STX6: variants seen among roughly 807,000 people sequenced by gnomAD.
STX6 encodes the protein syntaxin-6.
In STX6, 23 loss-of-function variants were observed where a neutral mutation model predicts 38.0. That is an observed-to-expected ratio of 0.60 (90% CI 0.43 to 0.86). The LOEUF is 0.86. Among genes scored for constraint, STX6 ranks in the 40% least tolerant of loss-of-function variants. The pLI, the probability that STX6 is intolerant of heterozygous loss-of-function variation, is 0.00. For synonymous variants in STX6, 123 were observed against 107.5 expected (o/e 1.14, Z -0.89); for missense variants, 274 against 312.9 (o/e 0.88, Z 0.94).
At position 181,022,712 on chromosome 1, in the gene STX6, C is replaced by T. The variant is rs1558103707; in HGVS notation, c.-39G>A. ...CGGCCGCCTTCACCTCCTCCGCGCA[C>T]AGGGCGCCCGTGCCTCCCGGTCTCC... is the stretch of plus-strand genomic sequence containing the variant. On this transcript the variant is annotated 5_prime_UTR_variant, in exon 1 of 8. In the 5' UTR this introduces an upstream ATG that the reference lacks. Coordinates refer to ENST00000258301, the MANE Select transcript of STX6 (RefSeq NM_005819.6). The T allele has an allele frequency of 2.5e-6, 4 of 1,584,692 alleles. No individual in the cohort carries two copies. Among genetic ancestry groups the T allele is most frequent in the Non-Finnish European group, 3.4e-6 (4 of 1,167,434 alleles).
chr1:181,004,953 A>G (rs562405479), intron 2 of STX6, among the ~76,000 whole-genome samples: 22 of 151,456 alleles, frequency 1.5e-4, no homozygotes, highest in Admixed American at 1.2e-3. Flanking sequence ...CTTAAAAAAA[A>G]AAGAAAAAAA....
intron 1 of STX6, among the ~76,000 whole-genome samples, chr1:181,005,942 G>C (rs1558096435): frequency 1.3e-5 from 2 of 152,036 alleles, no homozygotes; most frequent in African/African-American, 4.8e-5. Flanking sequence ...TTTTATTATA[G>C]GTTAAGTATT....
At chr1:181,010,808 A>T (rs564671267) in intron 1 of STX6, among the ~76,000 whole-genome samples, 41 of 152,138 alleles carry the variant, frequency 2.7e-4, no homozygotes, top group Non-Finnish European at 4.7e-4. Flanking sequence ...TAATATCTGA[A>T]TATTATCATG....
At chr1:180,982,213 T>C (rs1487014106) in intron 7 of STX6, among the ~76,000 whole-genome samples, 1 of 152,218 alleles carries the variant, frequency 6.6e-6, no homozygotes, top group African/African-American at 2.4e-5. Flanking sequence ...GCTTCCTTTA[T>C]GTACAGGTTT....
chr1:180,981,206 G>C (rs1425388578), intron 7 of STX6, among the ~76,000 whole-genome samples: 2 of 152,042 alleles, frequency 1.3e-5, no homozygotes, highest in African/African-American at 4.8e-5. Context: ...GTTAGCGTAG[G>C]CTGATTGTAA....
intron 3 of STX6, among the ~76,000 whole-genome samples, chr1:181,001,451 G>C (rs951587840): frequency 1.3e-5 from 2 of 152,104 alleles, no homozygotes; most frequent in Admixed American, 1.3e-4. Context: ...TTTAATAATG[G>C]GTATTATTCT....
chr1:181,015,405 G>C (rs1361734235), intron 1 of STX6, among the ~76,000 whole-genome samples: 1 of 152,102 alleles, frequency 6.6e-6, no homozygotes, highest in African/African-American at 2.4e-5. Context: ...CATTTTCCAA[G>C]TTTCAACACT....
chr1:181,019,981 T>C lies in STX6; in HGVS notation c.35+2658A>G, dbSNP rs369639452. On this transcript the variant is annotated intron_variant, in intron 1 of 7. Transcript: ENST00000258301. The stretch of plus-strand genomic sequence containing the variant: ...ATCGAGACCATCCTGGCTAACATGG[T>C]GAAACCCCGTCTCTACTAAAAAATA... Among the ~76,000 whole-genome samples, 5 of 152,144 alleles carry C rather than the reference T, an allele frequency of 3.3e-5. No individual in the cohort carries two copies. The East Asian group carries it at 5.8e-4, about 18-fold the overall frequency.
chr1:180,988,098 G>T, intron 6 of STX6, 141 bp downstream of exon 6: 1 of 594,140 alleles, frequency 1.7e-6, no homozygotes, highest in African/African-American at 1.9e-5. Context: ...AGGCTAATCT[G>T]TAAAACAGAA....
At chr1:181,013,971 T>TA (rs1399801212) in intron 1 of STX6, among the ~76,000 whole-genome samples, 2 of 152,236 alleles carry the variant, frequency 1.3e-5, no homozygotes, top group African/African-American at 4.8e-5. Context: ...TTTTATGACT[T>TA]AAGCTTCAGG....
At chr1:181,019,266 C>A (rs1656657036) in intron 1 of STX6, among the ~76,000 whole-genome samples, 1 of 151,782 alleles carries the variant, frequency 6.6e-6, no homozygotes, top group Non-Finnish European at 1.5e-5. Context: ...CCATGAGGCA[C>A]CATTCCATCA....
At chr1:181,018,307 C>A (rs1425647220) in intron 1 of STX6, among the ~76,000 whole-genome samples, 1 of 142,976 alleles carries the variant, frequency 7.0e-6, no homozygotes, top group African/African-American at 2.6e-5. Flanking sequence ...CGCTTGAACC[C>A]AAGAGGTAGA....
chr1:181,022,572 A>G (rs1285490394), intron 1 of STX6, 67 bp downstream of exon 1: 17 of 1,524,524 alleles, frequency 1.1e-5, no homozygotes, highest in Non-Finnish European at 1.4e-5. Context: ...CTGCGAGAAG[A>G]CCTAGGAGGT....
chr1:180,981,361 A>G (rs554448068), intron 7 of STX6, among the ~76,000 whole-genome samples: 1 of 152,350 alleles, frequency 6.6e-6, no homozygotes, highest in South Asian at 2.1e-4. Flanking sequence ...AATTTTTTAA[A>G]AAGATTAAAA....
intron 7 of STX6, among the ~76,000 whole-genome samples, chr1:180,978,824 C>T (rs542244638): frequency 8.6e-4 from 131 of 152,304 alleles, no homozygotes; most frequent in African/African-American, 3.1e-3. Flanking sequence ...AATGCCACCC[C>T]CCGGCCTCAC....
At chr1:180,994,447 A>G (rs897202457) in intron 3 of STX6, among the ~76,000 whole-genome samples, 8 of 152,238 alleles carry the variant, frequency 5.3e-5, no homozygotes, top group Non-Finnish European at 7.3e-5. Flanking sequence ...GAATGATACT[A>G]GCTAGGCCCC....
At chr1:181,018,766 C>T (rs1241061121) in intron 1 of STX6, among the ~76,000 whole-genome samples, 1 of 152,174 alleles carries the variant, frequency 6.6e-6, no homozygotes, top group Non-Finnish European at 1.5e-5. Flanking sequence ...CATCTTTCCT[C>T]ACACTGATGC....
chr1:180,984,153 C>A (rs1655503270), intron 7 of STX6, among the ~76,000 whole-genome samples: 1 of 142,704 alleles, frequency 7.0e-6, no homozygotes, highest in African/African-American at 2.6e-5. Flanking sequence ...AAAGCCTTAA[C>A]TTTTCCCAAG....
At chr1:180,985,703 T>C (rs1411883197) in intron 6 of STX6, among the ~76,000 whole-genome samples, 9 of 152,260 alleles carry the variant, frequency 5.9e-5, no homozygotes, top group African/African-American at 2.2e-4. Context: ...CAGTGCCTAT[T>C]TCATAAGTCA....
Sources: allele counts gnomAD v4.1 joint callset (sites outside exome capture counted in the v4.1 genomes callset), GRCh38; gene constraint gnomAD v4.1.1; transcripts MANE v1.5; gene names NCBI Gene and HGNC (gene_info 2026-07-23, HGNC 2026-07-21).